RAB26: variants seen among roughly 807,000 people sequenced by gnomAD.
RAB26 encodes RAB26, member RAS oncogene family, also known as ras-related protein Rab-26.
Under a neutral mutation model 33.1 loss-of-function variants are expected in RAB26, and 39 were observed. That is an observed-to-expected ratio of 1.18 (90% CI 0.91 to 1.54). The LOEUF (loss-of-function observed/expected upper bound fraction) is 1.54. Ranked by LOEUF, RAB26 falls within the 40% of genes most tolerant of loss-of-function variation. The pLI is 0.00. For missense variants in RAB26, 468 were observed against 362.9 expected (o/e 1.29, Z -2.35); for synonymous variants, 192 against 151.9 (o/e 1.26, Z -1.94).
chr16:2,152,774 G>A (rs766062258), intron 5 of RAB26, 46 bp from the exon 6 acceptor site: 1 of 1,572,594 alleles, frequency 6.4e-7, no homozygotes, highest in Non-Finnish European at 8.6e-7. Context: ...TGGGGCATGG[G>A]GCAAGCCATG....
In RAB26 at chr16:2,148,807, G is replaced by A; in HGVS notation, c.24G>A (p.Lys8=). 7.8e-6 allele frequency: 11 copies of A among 1,401,966 alleles called. No homozygotes were observed. Among genetic ancestry groups the A allele is most frequent in the Non-Finnish European group, 1.0e-5 (11 of 1,080,368 alleles). The allele number at this position is 1,401,966 out of a possible 1,614,324, so 86.8% of individuals were successfully genotyped here. The change falls in exon 1 of 9, where the codon AAG becomes AAA. Residue 8 remains lysine (K), a synonymous_variant. Transcript: ENST00000210187. The stretch of plus-strand genomic sequence containing the variant: ...CCATGTCCAGGAAGAAGACCCCCAA[G>A]AGCAAAGGGGCCAGCACCCCCGCTG... MSRKKTP[K]SKGASTPAAS...
At chr16:2,150,293 T>G (rs993181928) in intron 2 of RAB26, among the ~76,000 whole-genome samples, 12 of 152,182 alleles carry the variant, frequency 7.9e-5, no homozygotes, top group African/African-American at 2.9e-4. Context: ...CACTGTTGCC[T>G]ACAGGGTGGT....
At chr16:2,152,015 G>T (rs989612364) in intron 5 of RAB26, 107 bp downstream of exon 5, 8 of 1,454,052 alleles carry the variant, frequency 5.5e-6, no homozygotes, top group Non-Finnish European at 7.6e-6. Context: ...GCTGAGAGAG[G>T]GGAGGGGGAA....
chr16:2,151,040 A>C (rs2093003247), intron 2 of RAB26: 2 of 351,524 alleles, frequency 5.7e-6, no homozygotes, highest in Non-Finnish European at 1.1e-5. Flanking sequence ...CAGTTCTGGG[A>C]TCTGCGGTTA....
chr16:2,151,798 G>T, intron 4 of RAB26, 37 bp downstream of exon 4: 1 of 1,613,970 alleles, frequency 6.2e-7, no homozygotes, highest in African/African-American at 1.3e-5. Context: ...TGGGGCGGGG[G>T]TCTGAGCACC....
At chr16:2,151,951 C>A in intron 5 of RAB26, 43 bp downstream of exon 5, 1 of 1,609,290 alleles carries the variant, frequency 6.2e-7, no homozygotes, top group Non-Finnish European at 8.5e-7. Flanking sequence ...CTGATAGGGC[C>A]TGACCCATCC....
rs954015293 is a variant in RAB26, at chr16:2,148,673, C to A, written c.-111C>A. On this transcript the variant is annotated 5_prime_UTR_variant, in exon 1 of 9. Transcript: ENST00000210187. The stretch of plus-strand genomic sequence containing the variant: ...ATGCCGCCGCCGCCGCCGCCGCCGC[C>A]GCCGCCGCCAGGGGAAGGGTTCGGG... 463 of 1,033,238 alleles carry A rather than the reference C, an allele frequency of 4.5e-4. 2 individuals are homozygous for A. The African/African-American group carries it at 7.4e-3, about 16-fold the overall frequency. The allele number at this position is 1,033,238 out of a possible 1,614,324, so 64.0% of individuals were successfully genotyped here. A position where few individuals can be genotyped will look rare whatever the true frequency, so the allele number is the denominator to read the frequency against.
rs749954442 is a variant in RAB26, at chr16:2,153,297, C to T, written c.669-22C>T. On this transcript the variant is annotated intron_variant, in intron 8 of 8. Transcript: ENST00000210187. ...CATTAGAGTCCAGGCCATCGTGTCC[C>T]CTTGTCACCCCCACTCCGCAGGGAG... 3.9e-5 allele frequency: 63 copies of T among 1,613,402 alleles called. No individual in the cohort carries two copies. In the Admixed American group the frequency reaches 1.0e-3, roughly 26 times the overall value.
At chr16:2,150,922 C>T (rs1029009153) in intron 2 of RAB26, among the ~76,000 whole-genome samples, 36 of 151,636 alleles carry the variant, frequency 2.4e-4, no homozygotes, top group African/African-American at 4.6e-4. Context: ...CCTCAGACTG[C>T]GGCTGAAGCC....
chr16:2,150,250 A>AG (rs755362422), intron 2 of RAB26, among the ~76,000 whole-genome samples, 199 bp downstream of exon 2: 3 of 152,200 alleles, frequency 2.0e-5, no homozygotes, highest in Non-Finnish European at 2.9e-5. Flanking sequence ...GGCATTACCG[A>AG]GGGACCATAT....
intron 1 of RAB26, among the ~76,000 whole-genome samples, chr16:2,149,329 G>A (rs547415724): frequency 8.2e-5 from 11 of 134,742 alleles, no homozygotes; most frequent in Non-Finnish European, 1.6e-4. Context: ...TTTTTTTGCT[G>A]GGGGGAAGAG....
chr16:2,151,798 G>A (rs112343494), intron 4 of RAB26, 37 bp downstream of exon 4: 8 of 1,613,970 alleles, frequency 5.0e-6, no homozygotes, highest in African/African-American at 4.0e-5. Flanking sequence ...TGGGGCGGGG[G>A]TCTGAGCACC....
chr16:2,148,924 G>A lies in RAB26; in HGVS notation c.141G>A (p.Gln47=). Residue 47 remains glutamine (Q), a synonymous_variant, in exon 1 of 9, where the codon CAG becomes CAA. Transcript: ENST00000210187. ...ACGCGCCGCCCAACGGGCCCTTGCA[G>A]CCCGGCCGGCCCTCGCTTGGCGGCG... ...GPDAPPNGPL[Q]PGRPSLGGGV... is the part of the protein sequence containing the mutation. The A allele has an allele frequency of 7.7e-7, 1 of 1,300,572 alleles. No individual in the cohort carries two copies. The highest frequency in any genetic ancestry group is 9.8e-7 in the Non-Finnish European group (1 of 1,023,020). The allele number at this position is 1,300,572 out of a possible 1,614,324, so 80.6% of individuals were successfully genotyped here. A position where few individuals can be genotyped will look rare whatever the true frequency, so the allele number is the denominator to read the frequency against.
At chr16:2,149,242 C>T (rs2077708764) in intron 1 of RAB26, among the ~76,000 whole-genome samples, 1 of 152,094 alleles carries the variant, frequency 6.6e-6, no homozygotes, top group African/African-American at 2.4e-5. Flanking sequence ...GTGCCCTGGC[C>T]CCCGCCCGGG....
In RAB26 at chr16:2,153,870, G is replaced by C. The variant is rs1202752201; in HGVS notation, c.*449G>C. On this transcript the variant is annotated 3_prime_UTR_variant, in exon 9 of 9. Transcript: ENST00000210187. ...TGCTAATCACATCGTGCATCTGTGT[G>C]TCCTGGGAGCTGCCTGCTCCCGGCC... 4.4e-6 allele frequency: 2 copies of C among 457,530 alleles called. No homozygotes were observed. Among genetic ancestry groups the C allele is most frequent in the Non-Finnish European group, 8.8e-6 (2 of 227,912 alleles). The allele number at this position is 457,530 out of a possible 1,614,324, so 28.3% of individuals were successfully genotyped here.
rs1405682359 is a variant in RAB26, at chr16:2,153,788, A to T, written c.*367A>T. Reference sequence around the variant, plus strand: ...CTAGAAAAGCCATGTCTTCAGCCGCACATGCTCAGGCAGCTAAGGGAGGAC... The same window carrying T: ...CTAGAAAAGCCATGTCTTCAGCCGCTCATGCTCAGGCAGCTAAGGGAGGAC... On this transcript the variant is annotated 3_prime_UTR_variant, in exon 9 of 9. Coordinates refer to ENST00000210187, the MANE Select transcript of RAB26 (RefSeq NM_014353.5). 2.1e-6 allele frequency: 1 copy of T among 478,332 alleles called. No homozygotes were observed. Among genetic ancestry groups the T allele is most frequent in the Non-Finnish European group, 4.1e-6 (1 of 241,974 alleles). The allele number at this position is 478,332 out of a possible 1,614,324, so 29.6% of individuals were successfully genotyped here.
At chr16:2,149,191 C>T (rs563108178) in intron 1 of RAB26, among the ~76,000 whole-genome samples, 1 of 152,278 alleles carries the variant, frequency 6.6e-6, no homozygotes, top group East Asian at 1.9e-4. Flanking sequence ...CTGTCCCCCA[C>T]CCCCCAGGCG....
Position 2,153,423 on chromosome 16 carries a change from CCTGGCTGAGCTCAGT to C in RAB26, c.*4_*18del. On this transcript the variant is annotated 3_prime_UTR_variant, in exon 9 of 9. Transcript: ENST00000210187. ...GGGGCCTCCTGCTGCCGCCCTTGAA[CCTGGCTGAGCTCAGT>C]CCTCTGGAGGAAGCCGTCCAGTCCC... The C allele has an allele frequency of 6.2e-7, 1 of 1,613,170 alleles. No individual in the cohort carries two copies. Among genetic ancestry groups the C allele is most frequent in the Non-Finnish European group, 8.5e-7 (1 of 1,179,896 alleles).
At position 2,153,187 on chromosome 16, in the gene RAB26, C is replaced by A. The variant is rs1476855863; in HGVS notation, c.633C>A (p.Gly211=). The A allele has an allele frequency of 1.9e-6, 3 of 1,613,702 alleles. No homozygotes were observed. The highest frequency in any genetic ancestry group is 2.5e-6 in the Non-Finnish European group (3 of 1,180,026). ...LPFMETSAKT[G]LNVDLAFTAI... ...TCATGGAGACCAGCGCCAAGACGGG[C>A]CTCAACGTGGACTTGGCCTTCACAG... The change falls in exon 8 of 9, where the codon GGC becomes GGA. Residue 211 remains glycine (G), a synonymous_variant. Transcript: ENST00000210187.
Sources: allele counts gnomAD v4.1 joint callset (sites outside exome capture counted in the v4.1 genomes callset), GRCh38; gene constraint gnomAD v4.1.1; transcripts MANE v1.5; gene names NCBI Gene and HGNC (gene_info 2026-07-23, HGNC 2026-07-21).